Variants in AACS observed in about 807,000 individuals in gnomAD.
AACS encodes the protein acetoacetate-CoA ligase.
Under a neutral mutation model 83.1 loss-of-function variants are expected in AACS, and 69 were observed. The observed-to-expected ratio is 0.83, with a 90% CI of 0.68 to 1.01. AACS has a LOEUF of 1.01. AACS is among the 50% of genes least tolerant of loss of function. The pLI is 0.00. For missense variants in AACS, 866 were observed against 882.2 expected (o/e 0.98, Z 0.23); for synonymous variants, 333 against 343.4 (o/e 0.97, Z 0.33).
At chr12:125,087,839 C>T (rs902326537) in intron 4 of AACS, among the ~76,000 whole-genome samples, 1 of 152,208 alleles carries the variant, frequency 6.6e-6, no homozygotes, top group African/African-American at 2.4e-5. Flanking sequence ...TAGTGCTCAG[C>T]GTTTGGTAGC....
At chr12:125,081,137 C>T (rs1033369560) in intron 3 of AACS, among the ~76,000 whole-genome samples, 2 of 152,060 alleles carry the variant, frequency 1.3e-5, no homozygotes, top group Admixed American at 1.3e-4. Context: ...GGGTTGCACG[C>T]GTGCGCCACC....
rs769053206 is a variant in AACS at position 125,092,314 on chromosome 12, C to T, written c.570+791C>T. On this transcript the variant is annotated intron_variant, in intron 5 of 17. Coordinates refer to ENST00000316519, the MANE Select transcript of AACS (RefSeq NM_023928.5). ...GTTCTGGGCCAGGCCCTGTGCCGTCCGTCAGTCAGCAGCACCAGCTGCAGG... is the reference window on the plus strand; with the variant it reads ...GTTCTGGGCCAGGCCCTGTGCCGTCTGTCAGTCAGCAGCACCAGCTGCAGG... 3.3e-5 allele frequency among the ~76,000 whole-genome samples: 5 copies of T among 152,248 alleles called. No individual in the cohort carries two copies. The South Asian group carries it at 6.2e-4, about 19-fold the overall frequency.
chr12:125,109,523 G>A (rs1956905852), intron 8 of AACS, among the ~76,000 whole-genome samples: 1 of 152,304 alleles, frequency 6.6e-6, no homozygotes, highest in South Asian at 2.1e-4. Flanking sequence ...TTGAGAGTAC[G>A]TTGGAGCCAC....
chr12:125,109,801 G>C (rs1956912934), intron 8 of AACS, among the ~76,000 whole-genome samples: 1 of 152,164 alleles, frequency 6.6e-6, no homozygotes. Context: ...CATTTTCAAA[G>C]AGCCCAGGCT....
At chr12:125,133,301 G>T (rs1343011190) in intron 14 of AACS, among the ~76,000 whole-genome samples, 5 of 152,174 alleles carry the variant, frequency 3.3e-5, no homozygotes, top group African/African-American at 1.2e-4. Flanking sequence ...CTTAGAGGCG[G>T]CATCCAAATC....
rs964396791 is a variant in AACS at position 125,102,924 on chromosome 12, A to G, written c.686-76A>G. ...TATTCTCTGCCCCAGATTGTGTTATATTTTGTGGAAAAAAAAAAAAGCAGC... is the reference window on the plus strand; with the variant it reads ...TATTCTCTGCCCCAGATTGTGTTATGTTTTGTGGAAAAAAAAAAAAGCAGC... On this transcript the variant is annotated intron_variant, in intron 6 of 17. Transcript: ENST00000316519. The G allele has an allele frequency of 3.7e-5, 54 of 1,476,296 alleles. No homozygotes were observed. In the African/African-American group the frequency reaches 7.1e-4, roughly 19 times the overall value. 91.4% of individuals were successfully genotyped at this position (1,476,296 alleles called of 1,614,324 possible). A position where few individuals can be genotyped will look rare whatever the true frequency, so the allele number is the denominator to read the frequency against.
intron 9 of AACS, chr12:125,117,927 T>A (rs1465626132): frequency 6.6e-6 from 1 of 151,712 alleles, no homozygotes; most frequent in East Asian, 1.9e-4. Context: ...GAGGCTGCAG[T>A]GAGCTCTGAT....
At chr12:125,082,041 A>G (rs1336200973) in intron 3 of AACS, among the ~76,000 whole-genome samples, 4 of 151,598 alleles carry the variant, frequency 2.6e-5, no homozygotes, top group African/African-American at 9.7e-5. Context: ...ATGCCCAGCT[A>G]ATTTTTGTAT....
chr12:125,076,730 T>C (rs954245982), intron 3 of AACS, 119 bp downstream of exon 3: 4 of 1,462,106 alleles, frequency 2.7e-6, no homozygotes, highest in Non-Finnish European at 2.8e-6. Context: ...ACCTTTCTGA[T>C]GTAATTAAGA....
Position 125,129,578 on chromosome 12 carries a change from G to A in AACS, c.1549+118G>A, listed in dbSNP as rs556861355. On this transcript the variant is annotated intron_variant, in intron 14 of 17. Transcript: ENST00000316519. This position sits in a 1 kb window ranked among gnomAD's most constrained non-coding sequence, Gnocchi z 4.3. The stretch of plus-strand genomic sequence containing the variant: ...CCTTCCCCCACCAGGGCTTGGAGAA[G>A]CTGCTTATAGTTCATTCCGCCAGTG... 7 of 1,332,154 alleles carry A rather than the reference G, an allele frequency of 5.3e-6. No homozygotes were observed. Among genetic ancestry groups the A allele is most frequent in the South Asian group, 2.9e-5 (2 of 69,592 alleles). 82.5% of individuals were successfully genotyped at this position (1,332,154 alleles called of 1,614,324 possible).
chr12:125,111,915 C>T (rs1277117003), intron 8 of AACS, among the ~76,000 whole-genome samples: 3 of 152,268 alleles, frequency 2.0e-5, no homozygotes, highest in East Asian at 3.9e-4. Context: ...GAGGAGGGCC[C>T]ATCATTTGTT....
intron 3 of AACS, among the ~76,000 whole-genome samples, chr12:125,080,502 A>G (rs1392035160): frequency 6.6e-6 from 1 of 151,550 alleles, no homozygotes; most frequent in Non-Finnish European, 1.5e-5. Flanking sequence ...TACATACAGT[A>G]TTGGCTGAAT....
At chr12:125,116,014 T>C (rs2136112815) in intron 9 of AACS, among the ~76,000 whole-genome samples, 1 of 152,062 alleles carries the variant, frequency 6.6e-6, no homozygotes, top group Non-Finnish European at 1.5e-5. Context: ...TGACCAGCTG[T>C]GAATTAATAA....
Position 125,073,857 on chromosome 12 carries a change from T to C in AACS, c.134-19T>C. ...CAAGATTTCCCTTCTAAGGTTAATC[T>C]GAGCTATTTCATTTTTAGAGAGTTA... On this transcript the variant is annotated intron_variant, in intron 1 of 17. Coordinates refer to ENST00000316519, the MANE Select transcript of AACS (RefSeq NM_023928.5). 6.3e-7 allele frequency: 1 copy of C among 1,593,216 alleles called. No individual in the cohort carries two copies.
chr12:125,074,956 G>A (rs12227859), intron 2 of AACS, among the ~76,000 whole-genome samples: 22,295 of 148,092 alleles, frequency 0.15, 1,983 homozygotes, highest in East Asian at 0.24. Context: ...TAGCCACCAT[G>A]CCTGGCCACA....
intron 3 of AACS, among the ~76,000 whole-genome samples, chr12:125,081,745 G>A (rs1189776414): frequency 6.6e-6 from 1 of 152,122 alleles, no homozygotes; most frequent in Non-Finnish European, 1.5e-5. Flanking sequence ...TCAGCTTACC[G>A]AGTATTTTCA....
chr12:125,078,176 A>G (rs1268389907), intron 3 of AACS: 5 of 456,264 alleles, frequency 1.1e-5, no homozygotes, highest in Non-Finnish European at 8.8e-6. Context: ...CCCTTCTGCC[A>G]TCGTGGGAAG....
intron 3 of AACS, chr12:125,078,352 G>A (rs997517787): frequency 8.8e-6 from 4 of 455,910 alleles, no homozygotes; most frequent in African/African-American, 2.0e-5. Context: ...GCAACGTCTC[G>A]ACGTACCATA....
At chr12:125,105,859 TC>T (rs1956822727) in intron 7 of AACS, 1 of 152,224 alleles carries the variant, frequency 6.6e-6, no homozygotes, top group Non-Finnish European at 1.5e-5. Context: ...GTGTGAAGTA[TC>T]TGATTAGATC....
Sources: allele counts gnomAD v4.1 joint callset (sites outside exome capture counted in the v4.1 genomes callset), GRCh38; gene constraint gnomAD v4.1.1; non-coding constraint Gnocchi (gnomAD v3.1); transcripts MANE v1.5; gene names NCBI Gene and HGNC (gene_info 2026-07-23, HGNC 2026-07-21).